FRAS1: variants seen among roughly 807,000 people sequenced by gnomAD.
FRAS1 encodes the protein Fraser extracellular matrix complex subunit 1, also known as extracellular matrix organizing protein FRAS1.
FRAS1 carries 290 observed loss-of-function variants against 435.2 expected under a neutral mutation model. That is an observed-to-expected ratio of 0.67 (90% CI 0.61 to 0.73). FRAS1 has a LOEUF of 0.73. Among genes scored for constraint, FRAS1 ranks in the 30% least tolerant of loss-of-function variants. The probability of loss-of-function intolerance (pLI) is 0.00; values close to 1 mark genes in which losing one functional copy is unlikely to be tolerated. For synonymous variants in FRAS1, 1,800 were observed against 1,851.0 expected (o/e 0.97, Z 0.71); for missense variants, 4,860 against 5,001.5 (o/e 0.97, Z 0.85).
chr4:78,377,947 A>G (rs1731845131), intron 26 of FRAS1, among the ~76,000 whole-genome samples: 1 of 151,848 alleles, frequency 6.6e-6, no homozygotes, highest in South Asian at 2.1e-4. Flanking sequence ...CATAAAATTC[A>G]TGCTTTAAAG....
chr4:78,286,387 A>G lies in FRAS1; in HGVS notation c.1400-18A>G. 1.2e-6 allele frequency: 2 copies of G among 1,612,906 alleles called. No individual in the cohort carries two copies. ...TCAAATGGTTCCTTTCTCTTTCTTC[A>G]ACATTATCTGGAGTCAGCCTGCCAG... is the stretch of plus-strand genomic sequence containing the variant. On this transcript the variant is annotated intron_variant, in intron 13 of 73. Coordinates refer to ENST00000512123, the MANE Select transcript of FRAS1 (RefSeq NM_025074.7).
chr4:78,086,284 A>T (rs983290087), intron 2 of FRAS1, among the ~76,000 whole-genome samples: 1 of 152,228 alleles, frequency 6.6e-6, no homozygotes, highest in Non-Finnish European at 1.5e-5. Flanking sequence ...CAGTGTGTAG[A>T]GGGAAATTTA....
At chr4:78,472,006 G>A (rs1719723497) in intron 51 of FRAS1, among the ~76,000 whole-genome samples, 174 bp from the exon 52 acceptor site, 1 of 152,282 alleles carries the variant, frequency 6.6e-6, no homozygotes, top group Admixed American at 6.5e-5. Flanking sequence ...AATACCTCAA[G>A]GGCAGAAGCT....
intron 2 of FRAS1, among the ~76,000 whole-genome samples, chr4:78,133,953 G>GTTTTTTTTTTTTTTTTTTTTTTTTTTTT (rs776528593): frequency 7.5e-6 from 1 of 133,966 alleles, no homozygotes; most frequent in African/African-American, 2.8e-5. Flanking sequence ...GATGGACTAG[G>GTTTTTTTTTTTTTTTTTTTTTTTTTTTT]TTTTTTTTTT....
At chr4:78,272,485 T>C (rs1726757136) in intron 9 of FRAS1, among the ~76,000 whole-genome samples, 1 of 152,238 alleles carries the variant, frequency 6.6e-6, no homozygotes, top group South Asian at 2.1e-4. Context: ...AATTAATTTT[T>C]GTATAAGGTG....
intron 20 of FRAS1, among the ~76,000 whole-genome samples, chr4:78,344,575 G>T: frequency 6.8e-6 from 1 of 146,178 alleles, no homozygotes; most frequent in Non-Finnish European, 1.5e-5. Flanking sequence ...CACAATCGGG[G>T]CTCAAGAATG....
chr4:78,193,735 T>A (rs1722661707), intron 2 of FRAS1, among the ~76,000 whole-genome samples: 1 of 152,220 alleles, frequency 6.6e-6, no homozygotes, highest in Non-Finnish European at 1.5e-5. Flanking sequence ...AATTTGCCAG[T>A]CTGTGTCTTT....
At chr4:78,421,486 G>A (rs187741438) in intron 33 of FRAS1, among the ~76,000 whole-genome samples, 3 of 152,252 alleles carry the variant, frequency 2.0e-5, no homozygotes, top group African/African-American at 4.8e-5. Context: ...CAGCTGATTC[G>A]ATGGTGTCCG....
chr4:78,182,739 A>G (rs563234943), intron 2 of FRAS1, among the ~76,000 whole-genome samples: 294 of 151,978 alleles, frequency 1.9e-3, no homozygotes, highest in Non-Finnish European at 3.7e-3. Flanking sequence ...AATTAGCTGG[A>G]CATGGTGGCA....
intron 47 of FRAS1, among the ~76,000 whole-genome samples, chr4:78,456,695 G>A (rs904405223): frequency 2.0e-5 from 3 of 152,168 alleles, no homozygotes; most frequent in African/African-American, 7.2e-5. Flanking sequence ...GAAGGGTAAT[G>A]GTGGCTAAAC....
intron 31 of FRAS1, among the ~76,000 whole-genome samples, chr4:78,410,723 G>A (rs934172988): frequency 3.3e-5 from 5 of 152,158 alleles, no homozygotes; most frequent in African/African-American, 1.2e-4. Context: ...GGTTAAAGTG[G>A]GGAGTAATTA....
chr4:78,200,769 T>C (rs1416316232), intron 2 of FRAS1, among the ~76,000 whole-genome samples: 2 of 150,280 alleles, frequency 1.3e-5, no homozygotes, highest in Non-Finnish European at 2.9e-5. Context: ...ACCTGCATAG[T>C]TATATTTTCA....
chr4:78,447,299 A>AAAAAC (rs1718875595), intron 43 of FRAS1, among the ~76,000 whole-genome samples: 1 of 147,868 alleles, frequency 6.8e-6, no homozygotes, highest in Non-Finnish European at 1.5e-5. Context: ...AAAAAAAAAA[A>AAAAAC]AAAAACACTT....
intron 6 of FRAS1, among the ~76,000 whole-genome samples, chr4:78,260,370 T>C (rs1470293512): frequency 6.6e-6 from 1 of 152,162 alleles, no homozygotes; most frequent in Admixed American, 6.5e-5. Context: ...GTGTCCTCTT[T>C]TATTTCATCG....
At chr4:78,416,034 C>T (rs796931821) in intron 32 of FRAS1, among the ~76,000 whole-genome samples, 1 of 152,234 alleles carries the variant, frequency 6.6e-6, no homozygotes, top group African/African-American at 2.4e-5. Flanking sequence ...ATCTAAATGT[C>T]TATCAGCAGA....
intron 60 of FRAS1, among the ~76,000 whole-genome samples, chr4:78,498,315 T>C (rs1720568802): frequency 6.6e-6 from 1 of 152,150 alleles, no homozygotes; most frequent in Admixed American, 6.5e-5. Flanking sequence ...AAGACCAGCC[T>C]GACCAACATG....
rs555116377 is a variant in FRAS1 at position 78,530,463 on chromosome 4, C to T, written c.10925+3806C>T. Among the ~76,000 whole-genome samples the T allele has an allele frequency of 3.0e-3, 450 of 152,096 alleles. 1 individual carries two copies. The highest frequency in any genetic ancestry group is 9.7e-3 in the African/African-American group (403 of 41,490). On this transcript the variant is annotated intron_variant, in intron 70 of 73. Coordinates refer to ENST00000512123, the MANE Select transcript of FRAS1 (RefSeq NM_025074.7). ...TCCCCTATATAGCTCCATGTGGATG[C>T]GATAGAACTACAACACACATACAAA... is the stretch of plus-strand genomic sequence containing the variant.
chr4:78,460,820 A>C (rs1458290742), intron 47 of FRAS1, among the ~76,000 whole-genome samples: 1 of 152,242 alleles, frequency 6.6e-6, no homozygotes, highest in Non-Finnish European at 1.5e-5. Flanking sequence ...ATTTTATGGG[A>C]TCACCATTAT....
At chr4:78,343,208 A>G (rs1730466485) in intron 20 of FRAS1, among the ~76,000 whole-genome samples, 1 of 152,232 alleles carries the variant, frequency 6.6e-6, no homozygotes, top group Non-Finnish European at 1.5e-5. Flanking sequence ...CTTTAAGATG[A>G]AGATGGCCAA....
Sources: allele counts gnomAD v4.1 joint callset (sites outside exome capture counted in the v4.1 genomes callset), GRCh38; gene constraint gnomAD v4.1.1; transcripts MANE v1.5; gene names NCBI Gene and HGNC (gene_info 2026-07-23, HGNC 2026-07-21).